The following ITIH2 variants were observed in gnomAD, a reference collection of about 807,000 sequenced individuals.
ITIH2 encodes the protein inter-alpha-trypsin inhibitor heavy chain H2.
Under a neutral mutation model 104.4 loss-of-function variants are expected in ITIH2, and 103 were observed. The ratio of observed to expected loss-of-function variants is 0.99; its 90% CI spans 0.84 to 1.16. The LOEUF (loss-of-function observed/expected upper bound fraction) is 1.16. Among genes scored for constraint, ITIH2 ranks in the 50% most tolerant of loss-of-function variants. The pLI, the probability that ITIH2 is intolerant of heterozygous loss-of-function variation, is 0.00. For synonymous variants in ITIH2, 436 were observed against 435.4 expected, an observed-to-expected ratio of 1.00 and a Z score of -0.02; for missense variants, 1,108 against 1,162.4, an observed-to-expected ratio of 0.95 and a Z score of 0.68.
intron 8 of ITIH2, among the ~76,000 whole-genome samples, chr10:7,723,083 A>AGCAGC: frequency 1.4e-5 from 2 of 144,306 alleles, no homozygotes; most frequent in Non-Finnish European, 3.0e-5. Flanking sequence ...CGTGGCGTGG[A>AGCAGC]GTGGAGTAGA....
chr10:7,747,949 T>C (rs1033068168), intron 20 of ITIH2, among the ~76,000 whole-genome samples: 2 of 151,810 alleles, frequency 1.3e-5, no homozygotes, highest in Non-Finnish European at 2.9e-5. Context: ...CTCACGCCTG[T>C]AATCCCAGCA....
chr10:7,718,289 T>A lies in ITIH2; in HGVS notation c.630+501T>A, dbSNP rs1021329613. Among the ~76,000 whole-genome samples the A allele has an allele frequency of 7.2e-5, 11 of 152,286 alleles. No homozygotes were observed. In the South Asian group the frequency reaches 2.3e-3, roughly 32 times the overall value. ...TGCCTTTCTCTCACAAGAACACCTATTAGATTTGGGGTCCACCAGGTAGTA... is the reference window on the plus strand; with the variant it reads ...TGCCTTTCTCTCACAAGAACACCTAATAGATTTGGGGTCCACCAGGTAGTA... On this transcript the variant is annotated intron_variant, in intron 6 of 20. Coordinates refer to ENST00000358415, the MANE Select transcript of ITIH2 (RefSeq NM_002216.3).
At chr10:7,740,030 A>G (rs1296793666) in intron 16 of ITIH2, among the ~76,000 whole-genome samples, 1 of 152,126 alleles carries the variant, frequency 6.6e-6, no homozygotes, top group East Asian at 1.9e-4. Context: ...TACTGAAAAT[A>G]CAAAAATTAG....
intron 16 of ITIH2, among the ~76,000 whole-genome samples, chr10:7,740,721 C>T (rs1316630829): frequency 6.6e-6 from 1 of 152,184 alleles, no homozygotes; most frequent in Non-Finnish European, 1.5e-5. Context: ...TGCCCCATGA[C>T]CTTGTCCATA....
At chr10:7,718,189 C>A (rs1024274992) in intron 6 of ITIH2, among the ~76,000 whole-genome samples, 1 of 152,130 alleles carries the variant, frequency 6.6e-6, no homozygotes, top group Non-Finnish European at 1.5e-5. Flanking sequence ...GACTTGTGGC[C>A]TTGTAGTCAG....
intron 14 of ITIH2, among the ~76,000 whole-genome samples, chr10:7,733,122 C>A (rs915452781): frequency 5.3e-5 from 8 of 152,028 alleles, no homozygotes; most frequent in African/African-American, 1.9e-4. Context: ...CCCTTGTTCT[C>A]CCTCAACACC....
intron 20 of ITIH2, among the ~76,000 whole-genome samples, chr10:7,747,941 C>T (rs12257290): frequency 0.024 from 3,630 of 151,716 alleles, 78 homozygotes; most frequent in South Asian, 0.06. Flanking sequence ...CGCAGTGGCT[C>T]ACGCCTGTAA....
At chr10:7,712,847 G>A (rs568338043) in intron 4 of ITIH2, among the ~76,000 whole-genome samples, 5 of 152,208 alleles carry the variant, frequency 3.3e-5, no homozygotes, top group African/African-American at 7.2e-5. Flanking sequence ...TGGGCCAGGC[G>A]CGGTGGCTCA....
rs1835040849 is a variant in ITIH2, at chr10:7,735,041, A to AT, written c.1908dup (p.Glu637Ter). The AT allele has an allele frequency of 1.2e-6, 2 of 1,613,002 alleles. No individual in the cohort carries two copies. The highest frequency in any genetic ancestry group is 3.3e-5 in the Admixed American group (2 of 60,008). On this transcript the variant is annotated frameshift_variant, in exon 15 of 21. Transcript: ENST00000358415. LOFTEE classifies it high-confidence loss of function. ...CTGGTGATCGAGAACGAGGCTGGGG[A>AT]TGAGCGCATGCTGGCGGATGCCCCA...
chr10:7,715,218 C>T (rs966671161), intron 5 of ITIH2, among the ~76,000 whole-genome samples: 5 of 152,004 alleles, frequency 3.3e-5, no homozygotes, highest in Admixed American at 6.6e-5. Flanking sequence ...GTCAGGAGAC[C>T]GAGACCATCC....
chr10:7,711,186 A>C (rs1384880019), intron 4 of ITIH2, among the ~76,000 whole-genome samples: 1 of 152,130 alleles, frequency 6.6e-6, no homozygotes, highest in East Asian at 1.9e-4. Context: ...GAGAACATAC[A>C]GTGTTTGATT....
rs1457954196 is a variant in ITIH2 at position 7,709,138 on chromosome 10, T to C, written c.309T>C (p.Asn103=). Residue 103 remains asparagine, a synonymous_variant, in exon 4 of 21, where the codon AAT becomes AAC. Transcript: ENST00000358415. ...KVVNNSPQPQ[N]VVFDVQIPKG... ...TGAACAATTCCCCGCAGCCTCAGAATGTCGTGTTTGATGTTCAGATCCCCA... is the reference window on the plus strand; with the variant it reads ...TGAACAATTCCCCGCAGCCTCAGAACGTCGTGTTTGATGTTCAGATCCCCA... 1.2e-6 allele frequency: 2 copies of C among 1,614,156 alleles called. No homozygotes were observed. Among genetic ancestry groups the C allele is most frequent in the Admixed American group, 3.3e-5 (2 of 60,026 alleles).
At chr10:7,709,766 T>C (rs1419666146) in intron 4 of ITIH2, among the ~76,000 whole-genome samples, 1 of 152,196 alleles carries the variant, frequency 6.6e-6, no homozygotes, top group Non-Finnish European at 1.5e-5. Flanking sequence ...ACCCAATGAC[T>C]CTAGTGATAA....
intron 1 of ITIH2, 127 bp downstream of exon 1, chr10:7,703,645 G>T (rs1834718168): frequency 3.1e-6 from 2 of 650,144 alleles, no homozygotes; most frequent in South Asian, 3.7e-5. Context: ...TCATCTGAGT[G>T]CAAGTGTTTA....
chr10:7,705,700 TAAAAAAA>T (rs34935493), intron 2 of ITIH2, among the ~76,000 whole-genome samples: 1 of 131,858 alleles, frequency 7.6e-6, no homozygotes, highest in Admixed American at 7.9e-5. Flanking sequence ...CCACTCCATT[TAAAAAAA>T]AAAAAAAAAA....
intron 3 of ITIH2, among the ~76,000 whole-genome samples, chr10:7,707,550 T>C (rs575844658): frequency 1.3e-5 from 2 of 152,258 alleles, no homozygotes; most frequent in African/African-American, 4.8e-5. Context: ...TATGTATTTA[T>C]TTTTACGTTT....
At position 7,713,369 on chromosome 10, in the gene ITIH2, C is replaced by T. The variant is rs1039518635; in HGVS notation, c.467+84C>T. The T allele has an allele frequency of 8.2e-6, 9 of 1,096,600 alleles. No homozygotes were observed. In the Admixed American group the frequency reaches 1.0e-4, roughly 13 times the overall value. 67.9% of individuals were successfully genotyped at this position (1,096,600 alleles called of 1,614,324 possible). ...TTCCTTCCCACAGCAGCAAAGCAGC[C>T]TCTGGAAAGGCACAGCACCTGAGCC... On this transcript the variant is annotated intron_variant, in intron 5 of 20. Coordinates refer to ENST00000358415, the MANE Select transcript of ITIH2 (RefSeq NM_002216.3).
rs776391329 is a variant in ITIH2 at position 7,723,428 on chromosome 10, C to T, written c.868-23C>T. On this transcript the variant is annotated intron_variant, in intron 8 of 20. Coordinates refer to ENST00000358415, the MANE Select transcript of ITIH2 (RefSeq NM_002216.3). ...TCTAAACACGAATCATGATTTGACT[C>T]ACAAATACCTTCTATTTTTCAGGTG... The T allele has an allele frequency of 6.3e-6, 9 of 1,438,192 alleles. No individual in the cohort carries two copies. In the African/African-American group the frequency reaches 8.4e-5, roughly 13 times the overall value. 89.1% of individuals were successfully genotyped at this position (1,438,192 alleles called of 1,614,324 possible).
rs1486694059 is a variant in ITIH2 at position 7,727,769 on chromosome 10, T to C, written c.1220T>C (p.Leu407Pro). The change falls in exon 11 of 21, where the codon CTG becomes CCG. Residue 407 changes from leucine to proline, a missense_variant. Transcript: ENST00000358415. ...TTGAATGAAGCCAATAACTTGGGAC[T>C]GTTAGACCCCAACTCCGTCTCGCTG... is the stretch of plus-strand genomic sequence containing the variant. ...FILNEANNLG[L>P]LDPNSVSLII... 2.5e-6 allele frequency: 4 copies of C among 1,614,186 alleles called. 1 individual carries two copies.
Sources: gnomAD v4.1 joint callset for allele counts (sites outside exome capture counted in the v4.1 genomes callset) on GRCh38, gnomAD v4.1.1 for gene constraint, MANE v1.5 for transcripts, NCBI Gene and HGNC (gene_info 2026-07-23, HGNC 2026-07-21) for gene names.